SLC25A26: variants seen among roughly 807,000 people sequenced by gnomAD.
SLC25A26 encodes the protein mitochondrial S-adenosylmethionine carrier protein.
A neutral mutation model predicts 37.8 loss-of-function variants in SLC25A26; 36 were observed. The ratio of observed to expected loss-of-function variants is 0.95; its 90% CI spans 0.73 to 1.26. The LOEUF is 1.26. Among genes scored for constraint, SLC25A26 ranks in the 50% most tolerant of loss-of-function variants. SLC25A26 has a pLI of 0.00. For synonymous variants in SLC25A26, 129 were observed against 122.5 expected (o/e 1.05, Z -0.35); for missense variants, 390 against 331.1 (o/e 1.18, Z -1.38).
At chr3:66,228,851 A>G (rs1553662020) in intron 1 of SLC25A26, among the ~76,000 whole-genome samples, 3 of 152,222 alleles carry the variant, frequency 2.0e-5, no homozygotes, top group Admixed American at 6.5e-5. Context: ...TAAGTTTTTG[A>G]AGTTGATGCT....
intron 8 of SLC25A26, among the ~76,000 whole-genome samples, chr3:66,370,300 TA>T (rs1700275356): frequency 6.6e-6 from 1 of 152,256 alleles, no homozygotes; most frequent in African/African-American, 2.4e-5. Flanking sequence ...TGAGCTCTGA[TA>T]AGCAGCCACC....
intron 5 of SLC25A26, among the ~76,000 whole-genome samples, chr3:66,300,251 G>GGTTTT (rs1553688691): frequency 3.6e-5 from 4 of 111,616 alleles, no homozygotes; most frequent in Admixed American, 8.9e-5. Flanking sequence ...GGGTTTTTTT[G>GGTTTT]TTTTGTTTTT....
At chr3:66,351,013 A>G (rs1461284693) in intron 6 of SLC25A26, among the ~76,000 whole-genome samples, 1 of 152,150 alleles carries the variant, frequency 6.6e-6, no homozygotes, top group African/African-American at 2.4e-5. Context: ...TATAGTGTTC[A>G]GATAAGGCCT....
chr3:66,332,254 A>G (rs181571768), intron 5 of SLC25A26, among the ~76,000 whole-genome samples: 3 of 152,224 alleles, frequency 2.0e-5, no homozygotes, highest in Admixed American at 2.0e-4. Context: ...CAAGAGGTTT[A>G]GCATGCACCT....
intron 9 of SLC25A26, chr3:66,371,328 G>T (rs1362914033): frequency 1.3e-6 from 2 of 1,549,210 alleles, no homozygotes; most frequent in African/African-American, 2.7e-5. Context: ...CTGATGCCGA[G>T]TTGGATCACT....
intron 6 of SLC25A26, among the ~76,000 whole-genome samples, chr3:66,359,300 T>C (rs1028118963): frequency 6.6e-6 from 1 of 152,246 alleles, no homozygotes; most frequent in Non-Finnish European, 1.5e-5. Context: ...GCCCCCACCA[T>C]ACCTTCATCA....
intron 2 of SLC25A26, among the ~76,000 whole-genome samples, chr3:66,240,245 A>G (rs568315951): frequency 6.6e-6 from 1 of 152,350 alleles, no homozygotes; most frequent in South Asian, 2.1e-4. Context: ...CTACAGTAGT[A>G]TAGTATGTGC....
At chr3:66,310,911 G>C (rs188265864) in intron 5 of SLC25A26, among the ~76,000 whole-genome samples, 7 of 152,146 alleles carry the variant, frequency 4.6e-5, no homozygotes, top group African/African-American at 1.7e-4. Context: ...CTTTCTCTCC[G>C]GCTGCCCTTA....
intron 5 of SLC25A26, among the ~76,000 whole-genome samples, chr3:66,309,499 T>C (rs377016771): frequency 6.6e-6 from 1 of 152,294 alleles, no homozygotes; most frequent in African/African-American, 2.4e-5. Flanking sequence ...CATGTCTCTA[T>C]ATCCTTCAAT....
chr3:66,262,640 T>A (rs1027746491), intron 4 of SLC25A26, among the ~76,000 whole-genome samples: 3 of 152,222 alleles, frequency 2.0e-5, no homozygotes, highest in South Asian at 4.1e-4. Flanking sequence ...CTTTCCTTTA[T>A]AGTTTTTATG....
chr3:66,210,663 C>T (rs1044111882), intron 1 of SLC25A26, among the ~76,000 whole-genome samples: 3 of 152,044 alleles, frequency 2.0e-5, no homozygotes, highest in African/African-American at 7.2e-5. Flanking sequence ...TAGAAGCAGG[C>T]CAACATGCGA....
intron 5 of SLC25A26, among the ~76,000 whole-genome samples, chr3:66,344,690 C>CTG (rs2076280891): frequency 6.6e-6 from 1 of 152,252 alleles, no homozygotes; most frequent in Non-Finnish European, 1.5e-5. Flanking sequence ...GTCCCCTGGG[C>CTG]TGTGACTGGA....
Position 66,142,557 on chromosome 3 carries a change from A to T in SLC25A26, c.-354+8573A>T, listed in dbSNP as rs368112688. 2.6e-5 allele frequency among the ~76,000 whole-genome samples: 4 copies of T among 152,346 alleles called. No homozygotes were observed. The East Asian group carries it at 5.8e-4, about 22-fold the overall frequency. On this transcript the variant is annotated intron_variant, in intron 1 of 10. Transcript: ENST00000676754. ...TCTCTAAGGACACAGGAACTCGGAG[A>T]AGAACCTGAACAAACAGGCCTTGCT...
chr3:66,140,095 G>T (rs1021191295), intron 1 of SLC25A26, among the ~76,000 whole-genome samples: 3 of 152,172 alleles, frequency 2.0e-5, no homozygotes, highest in Admixed American at 1.3e-4. Context: ...ATGGCTGTCA[G>T]GTCTGTTCTC....
chr3:66,157,565 A>G (rs1367718388), intron 1 of SLC25A26, among the ~76,000 whole-genome samples: 1 of 152,256 alleles, frequency 6.6e-6, no homozygotes, highest in African/African-American at 2.4e-5. Context: ...GCTCAAAGTC[A>G]TGTGTAGAAG....
chr3:66,261,474 T>A (rs1369553352), intron 3 of SLC25A26: 1 of 152,422 alleles, frequency 6.6e-6, no homozygotes, highest in African/African-American at 2.4e-5. Flanking sequence ...GATATTAGAA[T>A]CATATATTGG....
intron 5 of SLC25A26, among the ~76,000 whole-genome samples, chr3:66,320,806 T>C (rs1026899452): frequency 6.6e-6 from 1 of 152,260 alleles, no homozygotes; most frequent in African/African-American, 2.4e-5. Context: ...ACCAGTTGCA[T>C]TTTTAAAAGT....
At chr3:66,374,091 G>C (rs1700499295) in intron 9 of SLC25A26, among the ~76,000 whole-genome samples, 1 of 152,134 alleles carries the variant, frequency 6.6e-6, no homozygotes, top group Non-Finnish European at 1.5e-5. Context: ...CTGACCAGAA[G>C]TCTTTTCACT....
intron 5 of SLC25A26, among the ~76,000 whole-genome samples, chr3:66,338,436 AGTT>A (rs549318690): frequency 1.8e-4 from 27 of 151,990 alleles, no homozygotes; most frequent in African/African-American, 6.5e-4. Context: ...ATATCCTTTC[AGTT>A]GTTTGGTTTT....
Sources: gnomAD v4.1 joint callset for allele counts (sites outside exome capture counted in the v4.1 genomes callset) on GRCh38, gnomAD v4.1.1 for gene constraint, MANE v1.5 for transcripts, NCBI Gene and HGNC (gene_info 2026-07-23, HGNC 2026-07-21) for gene names.